The following CDC42BPB variants were observed in gnomAD, a reference collection of about 807,000 sequenced individuals.
CDC42BPB encodes the protein CDC42 binding protein kinase beta.
Under a neutral mutation model 214.9 loss-of-function variants are expected in CDC42BPB, and 37 were observed. The observed-to-expected ratio is 0.17, with a 90% confidence interval of 0.13 to 0.23. The LOEUF (loss-of-function observed/expected upper bound fraction) is 0.23, where lower values mean the gene tolerates loss of function less well. Ranked by LOEUF, CDC42BPB falls within the 10% of genes least tolerant of loss-of-function variation. The pLI is 1.00. For synonymous variants in CDC42BPB, 931 were observed against 884.0 expected, an observed-to-expected ratio of 1.05 and a Z score of -0.94; for missense variants, 1,694 against 2,227.0, an observed-to-expected ratio of 0.76 and a Z score of 4.82.
chr14:102,956,861 AT>A (rs1244103269), intron 21 of CDC42BPB, among the ~76,000 whole-genome samples: 1 of 150,280 alleles, frequency 6.7e-6, no homozygotes, highest in African/African-American at 2.5e-5. Context: ...GTTTTATGTT[AT>A]GTGTGCTTAT....
At chr14:102,999,755 T>C in intron 4 of CDC42BPB, 42 bp from the exon 5 acceptor site, 2 of 1,612,706 alleles carry the variant, frequency 1.2e-6, no homozygotes, top group African/African-American at 1.3e-5. Flanking sequence ...CCACATTTAG[T>C]CACCACTAAA....
intron 19 of CDC42BPB, 67 bp downstream of exon 19, chr14:102,964,435 G>T: frequency 6.4e-7 from 1 of 1,572,628 alleles, no homozygotes; most frequent in Non-Finnish European, 8.6e-7. Context: ...AGCCCGTGAG[G>T]CTCAGGGCGG....
rs756099100 is a variant in CDC42BPB at position 102,999,675 on chromosome 14, C to G, written c.486G>C (p.Leu162=). The G allele has an allele frequency of 6.2e-7, 1 of 1,614,150 alleles. No homozygotes were observed. The highest frequency in any genetic ancestry group is 1.3e-5 in the African/African-American group (1 of 75,042). The change falls in exon 5 of 37, where the codon CTG becomes CTC. Residue 162 remains leucine, a synonymous_variant. Transcript: ENST00000361246. ...VMDYYVGGDL[L]TLLSKFEDKL... is the part of the protein sequence containing the mutation. ...TGTCTTCAAATTTGCTGAGCAGGGT[C>G]AGTAAATCACCACCCACATAGTAAT... is the stretch of plus-strand genomic sequence containing the variant.
intron 23 of CDC42BPB, chr14:102,952,875 C>T (rs959787162): frequency 6.7e-6 from 2 of 299,196 alleles, no homozygotes; most frequent in Non-Finnish European, 9.9e-6. Context: ...GCCAGAGGGC[C>T]GAGGTGGCAT....
Position 102,970,138 on chromosome 14 carries a change from C to G in CDC42BPB, c.1995+13G>C, listed in dbSNP as rs376271446. On this transcript the variant is annotated intron_variant, in intron 14 of 36. Coordinates refer to ENST00000361246, the MANE Select transcript of CDC42BPB (RefSeq NM_006035.4). ...CCTCTCAGTTAAGGGCAGAGACCCC[C>G]GCCCAGCACTACCTTGAGGGCCTCC... 3 of 1,597,182 alleles carry G rather than the reference C, an allele frequency of 1.9e-6. No homozygotes were observed. The highest frequency in any genetic ancestry group is 2.6e-6 in the Non-Finnish European group (3 of 1,166,758).
intron 22 of CDC42BPB, 44 bp from the exon 23 acceptor site, chr14:102,954,319 T>C (rs1412904334): frequency 2.1e-6 from 3 of 1,454,708 alleles, no homozygotes; most frequent in East Asian, 5.0e-5. Context: ...CAGCTCAGCA[T>C]GGCTGAGACA....
rs1466387267 is a variant in CDC42BPB at position 102,992,619 on chromosome 14, CAACT to C, written c.597-6043_597-6040del. ...CCTAAGAATCCACTCACCGCCTCAC[CAACT>C]GTTTCAGCACATCAGAATTCAAAAA... On this transcript the variant is annotated intron_variant, in intron 5 of 36. Transcript: ENST00000361246. Among the ~76,000 whole-genome samples, 11 of 152,206 alleles carry C rather than the reference CAACT, an allele frequency of 7.2e-5. No homozygotes were observed. In the South Asian group the frequency reaches 1.0e-3, roughly 14 times the overall value.
At chr14:102,964,831 T>C in intron 18 of CDC42BPB, 181 bp from the exon 19 acceptor site, 1 of 878,794 alleles carries the variant, frequency 1.1e-6, no homozygotes, top group East Asian at 1.2e-4. Context: ...TTTTTTACTC[T>C]TCCTCAGAAA....
chr14:103,035,933 C>T (rs1887638771), intron 1 of CDC42BPB, among the ~76,000 whole-genome samples: 1 of 152,080 alleles, frequency 6.6e-6, no homozygotes, highest in Admixed American at 6.6e-5. Flanking sequence ...AGGAGGATCG[C>T]TTTAGCTCAG....
At chr14:103,011,197 C>T (rs1886137606) in intron 2 of CDC42BPB, among the ~76,000 whole-genome samples, 1 of 152,228 alleles carries the variant, frequency 6.6e-6, no homozygotes, top group African/African-American at 2.4e-5. Flanking sequence ...GAGGCCACAC[C>T]GTGCCACGGG....
intron 5 of CDC42BPB, among the ~76,000 whole-genome samples, chr14:102,987,948 T>C (rs905317778): frequency 2.2e-4 from 33 of 151,750 alleles, no homozygotes; most frequent in African/African-American, 8.0e-4. Flanking sequence ...CACTCCAGCC[T>C]GGGCGACAGA....
chr14:102,987,526 T>TG (rs1894297298), intron 5 of CDC42BPB, among the ~76,000 whole-genome samples: 1 of 152,170 alleles, frequency 6.6e-6, no homozygotes, highest in Non-Finnish European at 1.5e-5. Flanking sequence ...GTGAGTAAGC[T>TG]GGGCTATACT....
chr14:102,990,786 C>T (rs1054496759), intron 5 of CDC42BPB, among the ~76,000 whole-genome samples: 6 of 152,130 alleles, frequency 3.9e-5, no homozygotes, highest in African/African-American at 1.2e-4. Flanking sequence ...AGAGGCACAG[C>T]GCAAACACAG....
chr14:103,029,735 T>G (rs1369349894), intron 1 of CDC42BPB, among the ~76,000 whole-genome samples: 1 of 150,976 alleles, frequency 6.6e-6, no homozygotes, highest in Non-Finnish European at 1.5e-5. Flanking sequence ...GGTGTGCACC[T>G]GTAGTCCCAG....
intron 5 of CDC42BPB, among the ~76,000 whole-genome samples, chr14:102,996,308 C>T (rs944584534): frequency 1.3e-5 from 2 of 151,984 alleles, no homozygotes; most frequent in Non-Finnish European, 2.9e-5. Context: ...CCACTGCACT[C>T]CAGCCTGGGT....
chr14:103,047,507 G>C (rs1315010665), intron 1 of CDC42BPB, among the ~76,000 whole-genome samples: 1 of 152,114 alleles, frequency 6.6e-6, no homozygotes, highest in Non-Finnish European at 1.5e-5. Flanking sequence ...AACACTCTCA[G>C]TGTAGACAGC....
chr14:102,972,017 G>T lies in CDC42BPB; in HGVS notation c.1786C>A (p.Arg596=), dbSNP rs763342575. The change falls in exon 13 of 37, where the codon CGG becomes AGG. Residue 596 remains arginine, a synonymous_variant. Transcript: ENST00000361246. Reference sequence around the variant, plus strand: ...TCCTCCTCCTTGTCTCGCAGCTGCCGGGACACCTTCTGCTTCTGGGCACGG... The same window carrying T: ...TCCTCCTCCTTGTCTCGCAGCTGCCTGGACACCTTCTGCTTCTGGGCACGG... The part of the protein sequence containing the change: ...ELRAQKQKVS[R]QLRDKEEEME... The T allele has an allele frequency of 6.2e-7, 1 of 1,614,158 alleles. No individual in the cohort carries two copies. The highest frequency in any genetic ancestry group is 8.5e-7 in the Non-Finnish European group (1 of 1,180,032).
chr14:103,022,692 GGCTGGAGA>G (rs1886836899), intron 1 of CDC42BPB, among the ~76,000 whole-genome samples: 1 of 152,192 alleles, frequency 6.6e-6, no homozygotes, highest in African/African-American at 2.4e-5. Flanking sequence ...AGATCACAGA[GGCTGGAGA>G]CAAGTTCATT....
At chr14:103,007,708 T>G (rs1885917416) in intron 3 of CDC42BPB, among the ~76,000 whole-genome samples, 1 of 152,092 alleles carries the variant, frequency 6.6e-6, no homozygotes, top group Non-Finnish European at 1.5e-5. Context: ...AATGGCAGCC[T>G]GCAAGGAGGG....
Sources: gnomAD v4.1 joint callset for allele counts (sites outside exome capture counted in the v4.1 genomes callset) on GRCh38, gnomAD v4.1.1 for gene constraint, MANE v1.5 for transcripts, NCBI Gene and HGNC (gene_info 2026-07-23, HGNC 2026-07-21) for gene names.